The following ARHGAP24 variants were observed in gnomAD, a reference collection of about 807,000 sequenced individuals.
The protein encoded by ARHGAP24 is Rho GTPase activating protein 24.
ARHGAP24 carries 50 observed loss-of-function variants against 76.4 expected under a neutral mutation model. The observed-to-expected ratio is 0.65, with a 90% CI of 0.52 to 0.83. The LOEUF is 0.83. Ranked by LOEUF, ARHGAP24 falls within the 40% of genes least tolerant of loss-of-function variation. The pLI is 0.00. For missense variants in ARHGAP24, 930 were observed against 914.2 expected (o/e 1.02, Z -0.22); for synonymous variants, 345 against 323.3 (o/e 1.07, Z -0.72).
intron 3 of ARHGAP24, among the ~76,000 whole-genome samples, chr4:85,771,237 G>GAAAGCC (rs1727119870): frequency 2.6e-5 from 4 of 152,212 alleles, no homozygotes; most frequent in Non-Finnish European, 5.9e-5. Context: ...ATGAACTTCT[G>GAAAGCC]TAGGCTGAAA....
At chr4:85,715,957 C>T (rs1366440670) in intron 2 of ARHGAP24, among the ~76,000 whole-genome samples, 1 of 151,876 alleles carries the variant, frequency 6.6e-6, no homozygotes, top group Non-Finnish European at 1.5e-5. Context: ...TTAATAAAAC[C>T]TGTTGAATAA....
At chr4:85,725,868 CCAGGGGTTATCAGCT>C (rs1277361436) in intron 3 of ARHGAP24, among the ~76,000 whole-genome samples, 1 of 152,136 alleles carries the variant, frequency 6.6e-6, no homozygotes, top group African/African-American at 2.4e-5. Flanking sequence ...GTCACTTTCT[CCAGGGGTTATCAGCT>C]TCAGTGCCCA....
At chr4:85,615,899 A>G (rs1398776933) in intron 2 of ARHGAP24, among the ~76,000 whole-genome samples, 4 of 152,192 alleles carry the variant, frequency 2.6e-5, no homozygotes, top group Non-Finnish European at 5.9e-5. Context: ...TCACTAGAGT[A>G]TTGTTTATAT....
chr4:85,945,920 A>G (rs1075824), intron 5 of ARHGAP24, among the ~76,000 whole-genome samples: 45,783 of 151,934 alleles, frequency 0.3, 7,705 homozygotes, highest in African/African-American at 0.46. Context: ...TGATAAAGAC[A>G]TATCTGAGAC....
At chr4:85,868,107 AG>A (rs972473421) in intron 3 of ARHGAP24, among the ~76,000 whole-genome samples, 4 of 151,972 alleles carry the variant, frequency 2.6e-5, no homozygotes, top group African/African-American at 9.7e-5. Flanking sequence ...AATACCTGTG[AG>A]GTATACATTA....
At chr4:85,894,984 A>AAAAAC (rs1734075556) in intron 3 of ARHGAP24, among the ~76,000 whole-genome samples, 4 of 20,830 alleles carry the variant, frequency 1.9e-4, no homozygotes, top group Non-Finnish European at 4.3e-4. Context: ...AAAAAAAAAA[A>AAAAAC]AAAACAAAAC....
At chr4:85,898,031 GTGTATATATA>G (rs370202797) in intron 3 of ARHGAP24, among the ~76,000 whole-genome samples, 15,336 of 79,514 alleles carry the variant, frequency 0.19, 859 homozygotes, top group African/African-American at 0.22. Context: ...ACACATATAT[GTGTATATATA>G]TATATATATA....
At chr4:85,560,732 C>A (rs962528067) in intron 1 of ARHGAP24, among the ~76,000 whole-genome samples, 3 of 152,122 alleles carry the variant, frequency 2.0e-5, no homozygotes, top group Admixed American at 2.0e-4. Flanking sequence ...ATTTTTAACT[C>A]AAATCATGAT....
At chr4:85,598,386 T>C (rs983040197) in intron 2 of ARHGAP24, among the ~76,000 whole-genome samples, 1 of 152,074 alleles carries the variant, frequency 6.6e-6, no homozygotes, top group African/African-American at 2.4e-5. Flanking sequence ...TTTACATTTC[T>C]CTTAACACCC....
intron 3 of ARHGAP24, among the ~76,000 whole-genome samples, chr4:85,890,867 G>A (rs1733849819): frequency 6.6e-6 from 1 of 152,136 alleles, no homozygotes; most frequent in African/African-American, 2.4e-5. Context: ...AATCCATTAA[G>A]GTGGGGACCT....
In ARHGAP24 at chr4:85,667,380, G is replaced by A. The variant is rs192484135; in HGVS notation, c.181-54505G>A. 3.2e-3 allele frequency among the ~76,000 whole-genome samples: 483 copies of A among 152,242 alleles called. 1 individual carries two copies. The highest frequency in any genetic ancestry group is 0.011 in the African/African-American group (452 of 41,540). On this transcript the variant is annotated intron_variant, in intron 2 of 9. Coordinates refer to ENST00000395184, the MANE Select transcript of ARHGAP24 (RefSeq NM_001025616.3). ...CGCAGTATTAGGATGGGAGTGACCC[G>A]ATTTTCCAGGTGCCATCTGTCACCC...
intron 3 of ARHGAP24, among the ~76,000 whole-genome samples, chr4:85,745,112 C>A (rs531685015): frequency 6.6e-6 from 1 of 151,772 alleles, no homozygotes; most frequent in Non-Finnish European, 1.5e-5. Flanking sequence ...TAAATTTGTG[C>A]CCAGGAAAAC....
chr4:85,999,775 ACAACTAT>A (rs1178844957), intron 9 of ARHGAP24: 2 of 152,250 alleles, frequency 1.3e-5, no homozygotes, highest in Non-Finnish European at 1.5e-5. Context: ...GCTATACAAA[ACAACTAT>A]CAATTTATAG....
intron 1 of ARHGAP24, among the ~76,000 whole-genome samples, chr4:85,504,082 C>A (rs992430185): frequency 1.1e-4 from 17 of 152,142 alleles, no homozygotes; most frequent in Admixed American, 2.6e-4. Context: ...GTCTGAGAGA[C>A]AGTTTATTGT....
chr4:85,974,817 C>A (rs1739230428), intron 6 of ARHGAP24, 71 bp from the exon 7 acceptor site: 9 of 1,413,222 alleles, frequency 6.4e-6, no homozygotes, highest in Non-Finnish European at 7.9e-6. Context: ...AATTATATGG[C>A]CATTTCGACT....
rs1186538508 is a variant in ARHGAP24 at position 85,827,927 on chromosome 4, A to G, written c.269-95721A>G. On this transcript the variant is annotated intron_variant, in intron 3 of 9. Transcript: ENST00000395184. ...CAGCTGCTCTGTCTCCCAGCTTGCA[A>G]GTGCAGCCTGCATTTGTCACTGACC... is the stretch of plus-strand genomic sequence containing the variant. 3.1e-6 allele frequency: 4 copies of G among 1,289,622 alleles called. No homozygotes were observed. The South Asian group carries it at 3.7e-5, about 12-fold the overall frequency. 79.9% of individuals were successfully genotyped at this position (1,289,622 alleles called of 1,614,324 possible). A position where few individuals can be genotyped will look rare whatever the true frequency, so the allele number is the denominator to read the frequency against.
chr4:85,913,234 G>T (rs1412298320), intron 3 of ARHGAP24, among the ~76,000 whole-genome samples: 1 of 151,656 alleles, frequency 6.6e-6, no homozygotes, highest in Non-Finnish European at 1.5e-5. Context: ...GTAATCTTAT[G>T]AACACATTCC....
At chr4:85,977,990 G>A (rs571095921) in intron 8 of ARHGAP24, among the ~76,000 whole-genome samples, 1 of 152,286 alleles carries the variant, frequency 6.6e-6, no homozygotes, top group African/African-American at 2.4e-5. Context: ...CTCACTTCGT[G>A]AGTTCACTAC....
chr4:85,988,570 G>A lies in ARHGAP24; in HGVS notation c.929-6013G>A, dbSNP rs918323854. Among the ~76,000 whole-genome samples the A allele has an allele frequency of 2.8e-4, 42 of 150,874 alleles. 1 individual carries two copies. The Middle Eastern group carries it at 0.01, about 37-fold the overall frequency. On this transcript the variant is annotated intron_variant, in intron 8 of 9. Transcript: ENST00000395184. ...AATAAACTGAGGTATTAGGTAATAA[G>A]CCAACAATAAAGATAAAATGGAATG...
Sources: allele counts gnomAD v4.1 joint callset (sites outside exome capture counted in the v4.1 genomes callset), GRCh38; gene constraint gnomAD v4.1.1; transcripts MANE v1.5; gene names NCBI Gene and HGNC (gene_info 2026-07-23, HGNC 2026-07-21).